Variants in PRELID3A observed in about 807,000 individuals in gnomAD.
PRELID3A encodes the protein PRELI domain containing protein 3A.
A neutral mutation model predicts 23.0 loss-of-function variants in PRELID3A; 27 were observed. That is an observed-to-expected ratio of 1.17 (90% CI 0.87 to 1.62). PRELID3A has a LOEUF of 1.62. PRELID3A is among the 40% of genes most tolerant of loss of function. PRELID3A has a pLI of 0.00. For missense variants in PRELID3A, 231 were observed against 231.4 expected, an observed-to-expected ratio of 1.00 and a Z score of 0.01; for synonymous variants, 87 against 86.4, an observed-to-expected ratio of 1.01 and a Z score of -0.04.
chr18:12,426,509 G>C (rs186513429), intron 3 of PRELID3A, among the ~76,000 whole-genome samples: 47 of 128,674 alleles, frequency 3.7e-4, no homozygotes, highest in African/African-American at 1.3e-3. Flanking sequence ...AGCCGAGATC[G>C]CGCCACTGCA....
chr18:12,420,925 G>C (rs942125977), intron 2 of PRELID3A, among the ~76,000 whole-genome samples: 2 of 151,994 alleles, frequency 1.3e-5, no homozygotes, highest in Admixed American at 6.6e-5. Flanking sequence ...ACTGCCAGGC[G>C]CCCCTCCTCC....
intron 5 of PRELID3A, among the ~76,000 whole-genome samples, chr18:12,427,626 C>T (rs1382107867): frequency 4.0e-5 from 6 of 151,478 alleles, no homozygotes; most frequent in Admixed American, 2.0e-4. Flanking sequence ...ACCCATGAGG[C>T]GGAGGTTGCA....
rs1335024215 is a variant in PRELID3A at position 12,407,987 on chromosome 18, G to A, written c.12G>A (p.Trp4Ter). The change falls in exon 1 of 7, where the codon TGG becomes TGA. Residue 4 changes from tryptophan to a stop codon, truncating the protein, a stop_gained. Coordinates refer to ENST00000440960, the MANE Select transcript of PRELID3A (RefSeq NM_001142405.2). LOFTEE classifies it high-confidence loss of function. MKI[W>*]SSEHVFGHPW... ...CTGCGCCGGCGGCAATGAAGATCTGGAGCTCGGAGCACGTGTTTGGGTGAG... is the reference window on the plus strand; with the variant it reads ...CTGCGCCGGCGGCAATGAAGATCTGAAGCTCGGAGCACGTGTTTGGGTGAG... 17 of 1,300,188 alleles carry A rather than the reference G, an allele frequency of 1.3e-5. No individual in the cohort carries two copies. Among genetic ancestry groups the A allele is most frequent in the Admixed American group, 3.9e-5 (1 of 25,458 alleles). 80.5% of individuals were successfully genotyped at this position (1,300,188 alleles called of 1,614,324 possible). A position where few individuals can be genotyped will look rare whatever the true frequency, so the allele number is the denominator to read the frequency against.
At chr18:12,416,492 T>C (rs2029955709) in intron 1 of PRELID3A, among the ~76,000 whole-genome samples, 1 of 152,070 alleles carries the variant, frequency 6.6e-6, no homozygotes, top group African/African-American at 2.4e-5. Context: ...TGTTTTCTGT[T>C]TTTGTAGAGA....
intron 3 of PRELID3A, among the ~76,000 whole-genome samples, chr18:12,426,062 C>G (rs537542697): frequency 6.6e-6 from 1 of 151,500 alleles, no homozygotes; most frequent in African/African-American, 2.4e-5. Flanking sequence ...TGCTGAAACC[C>G]TGTCTCTACT....
chr18:12,425,816 T>G (rs2030340438), intron 3 of PRELID3A, among the ~76,000 whole-genome samples: 1 of 152,020 alleles, frequency 6.6e-6, no homozygotes, highest in African/African-American at 2.4e-5. Flanking sequence ...GGTGTGCACC[T>G]GTAGTCCCAG....
At chr18:12,409,584 T>A (rs1425479311) in intron 1 of PRELID3A, among the ~76,000 whole-genome samples, 1 of 152,126 alleles carries the variant, frequency 6.6e-6, no homozygotes, top group African/African-American at 2.4e-5. Context: ...TGGCTTGCAG[T>A]GTTTCTCAAG....
In PRELID3A at chr18:12,431,806, A is replaced by C. The variant is rs1223259879; in HGVS notation, c.*690A>C. The C allele has an allele frequency of 2.6e-5, 4 of 152,298 alleles. No homozygotes were observed. The highest frequency in any genetic ancestry group is 6.8e-3 in the Middle Eastern group (2 of 296). 9.4% of individuals were successfully genotyped at this position (152,298 alleles called of 1,614,324 possible). A position where few individuals can be genotyped will look rare whatever the true frequency, so the allele number is the denominator to read the frequency against. On this transcript the variant is annotated 3_prime_UTR_variant, in exon 7 of 7. Coordinates refer to ENST00000440960, the MANE Select transcript of PRELID3A (RefSeq NM_001142405.2). ...TCTGCAGGCTGTGCCAGCCCCCTCC[A>C]GTCTGCCACTGCCGTGCCCGGGGGA...
intron 1 of PRELID3A, among the ~76,000 whole-genome samples, chr18:12,411,966 A>C (rs1373228888): frequency 3.5e-5 from 5 of 144,696 alleles, no homozygotes; most frequent in African/African-American, 1.3e-4. Context: ...GCTGGAGTGC[A>C]GGGGCGCAGT....
chr18:12,421,444 G>C (rs2030178974), intron 2 of PRELID3A, 96 bp from the exon 3 acceptor site: 2 of 811,886 alleles, frequency 2.5e-6, no homozygotes, highest in African/African-American at 1.7e-5. Context: ...ATCATTTCTT[G>C]AATAGTGAAC....
chr18:12,420,238 C>T, intron 1 of PRELID3A, 87 bp from the exon 2 acceptor site: 6 of 1,494,110 alleles, frequency 4.0e-6, no homozygotes, highest in South Asian at 2.7e-5. Context: ...AGCGCGTTGC[C>T]CAGGCCTGGC....
intron 1 of PRELID3A, chr18:12,410,669 C>CA (rs1459576075): frequency 6.6e-6 from 1 of 151,898 alleles, no homozygotes; most frequent in Non-Finnish European, 1.5e-5. Context: ...GTTAGGTGAA[C>CA]ATTTGATTGG....
rs1598860069 is a variant in PRELID3A, at chr18:12,420,430, C to G, written c.138C>G (p.Arg46=). Residue 46 remains arginine, a synonymous_variant, in exon 2 of 7, where the codon CGC becomes CGG. Coordinates refer to ENST00000440960, the MANE Select transcript of PRELID3A (RefSeq NM_001142405.2). ...VDVLQRRVDG[R]GRLHSLRLLS... is the part of the protein sequence containing the mutation. ...TGCTACAGCGCCGCGTGGACGGCCG[C>G]GGCCGCCTGCACAGCTTGCGCCTGC... 7.6e-6 allele frequency: 12 copies of G among 1,587,002 alleles called. No homozygotes were observed. Among genetic ancestry groups the G allele is most frequent in the Non-Finnish European group, 9.4e-6 (11 of 1,167,846 alleles).
chr18:12,428,953 TG>T (rs1407665398), intron 5 of PRELID3A, among the ~76,000 whole-genome samples: 16 of 151,914 alleles, frequency 1.1e-4, no homozygotes, highest in Non-Finnish European at 1.9e-4. Flanking sequence ...ATCACTAAGG[TG>T]GGGAGAGGTG....
rs138251600 is a variant in PRELID3A at position 12,427,184 on chromosome 18, G to T, written c.363-37G>T. Reference sequence around the variant, plus strand: ...GCAGGGCAGACCCTCCTCTCTCTCAGGGCTGGTCAGCCCCTTTTCTTCTTG... The same window carrying T: ...GCAGGGCAGACCCTCCTCTCTCTCATGGCTGGTCAGCCCCTTTTCTTCTTG... On this transcript the variant is annotated intron_variant, in intron 4 of 6. Coordinates refer to ENST00000440960, the MANE Select transcript of PRELID3A (RefSeq NM_001142405.2). 2.7e-4 allele frequency: 438 copies of T among 1,604,358 alleles called. 2 individuals are homozygous for T. The African/African-American group carries it at 5.3e-3, about 19-fold the overall frequency.
At chr18:12,411,398 A>G (rs927641656) in intron 1 of PRELID3A, among the ~76,000 whole-genome samples, 3 of 149,224 alleles carry the variant, frequency 2.0e-5, no homozygotes, top group Admixed American at 6.8e-5. Context: ...CCCGGGAGGC[A>G]GAACTTGCAG....
rs754719582 is a variant in PRELID3A, at chr18:12,420,330, C to T, written c.38C>T (p.Pro13Leu). ...IWSSEHVFGH[P>L]WDTVIQAAMR... ...CGCCTATGCTCTCCCCGCAGCCACC[C>T]GTGGGACACGGTCATCCAGGCGGCC... Residue 13 changes from proline (P) to leucine (L), a missense_variant, in exon 2 of 7, where the codon CCG (proline) becomes CTG (leucine). By Grantham distance (98) the Pro-to-Leu change is moderately conservative. Transcript: ENST00000440960. 29 of 1,607,694 alleles carry T rather than the reference C, an allele frequency of 1.8e-5. No individual in the cohort carries two copies. The highest frequency in any genetic ancestry group is 2.2e-5 in the East Asian group (1 of 44,640).
intron 5 of PRELID3A, among the ~76,000 whole-genome samples, chr18:12,427,715 T>C (rs915401505): frequency 6.6e-6 from 1 of 151,020 alleles, no homozygotes; most frequent in Non-Finnish European, 1.5e-5. Context: ...AAAATAAAAA[T>C]AAAAAATAAA....
intron 2 of PRELID3A, 151 bp downstream of exon 2, chr18:12,420,644 A>T: frequency 1.9e-5 from 7 of 370,978 alleles, no homozygotes; most frequent in Non-Finnish European, 2.6e-5. Context: ...TCCTGAGATC[A>T]GGGGGCGCGG....
Sources: allele counts gnomAD v4.1 joint callset (sites outside exome capture counted in the v4.1 genomes callset), GRCh38; gene constraint gnomAD v4.1.1; transcripts MANE v1.5; gene names NCBI Gene and HGNC (gene_info 2026-07-23, HGNC 2026-07-21).